Variants in MDGA2 observed in about 807,000 individuals in gnomAD.
MDGA2 encodes MAM domain containing glycosylphosphatidylinositol anchor 2, also known as MAM domain-containing glycosylphosphatidylinositol anchor protein 2.
A neutral mutation model predicts 117.8 loss-of-function variants in MDGA2; 40 were observed. The ratio of observed to expected loss-of-function variants is 0.34; its 90% CI spans 0.26 to 0.44. The LOEUF (loss-of-function observed/expected upper bound fraction) is 0.44, where lower values mean the gene tolerates loss of function less well. Ranked by LOEUF, MDGA2 falls within the 20% of genes least tolerant of loss-of-function variation. The probability of loss-of-function intolerance (pLI) is 1.00; values close to 1 mark genes in which losing one functional copy is unlikely to be tolerated. For missense variants in MDGA2, 1,123 were observed against 1,250.6 expected, an observed-to-expected ratio of 0.90 and a Z score of 1.54; for synonymous variants, 452 against 439.0, an observed-to-expected ratio of 1.03 and a Z score of -0.37.
chr14:47,287,294 G>A (rs1431457325), intron 2 of MDGA2, among the ~76,000 whole-genome samples: 2 of 152,066 alleles, frequency 1.3e-5, no homozygotes, highest in African/African-American at 2.4e-5. Context: ...CAAAGAGGAA[G>A]GGGTGGGAAC....
intron 5 of MDGA2, among the ~76,000 whole-genome samples, chr14:47,112,705 T>C (rs1881109511): frequency 6.6e-6 from 1 of 152,166 alleles, no homozygotes; most frequent in African/African-American, 2.4e-5. Flanking sequence ...TGAACATATG[T>C]GTGCATATAT....
chr14:47,146,793 TA>T (rs1284726575), intron 3 of MDGA2, among the ~76,000 whole-genome samples: 14 of 152,174 alleles, frequency 9.2e-5, no homozygotes, highest in South Asian at 2.1e-4. Flanking sequence ...AAACAGTTAA[TA>T]GGTTTGTACT....
At chr14:47,035,354 G>T (rs375428419) in intron 7 of MDGA2, 50 bp from the exon 8 acceptor site, 16 of 1,419,146 alleles carry the variant, frequency 1.1e-5, no homozygotes, top group Non-Finnish European at 1.5e-5. Flanking sequence ...AACTGGTAAA[G>T]CATATTCAGA....
rs1279979225 is a variant in MDGA2 at position 46,957,461 on chromosome 14, T to C, written c.2002A>G (p.Lys668Glu). The change falls in exon 9 of 17, where the codon AAG becomes GAG. Residue 668 changes from lysine (K) to glutamate (E), a missense_variant. By Grantham distance (56) the Lys-to-Glu change is moderately conservative. This residue lies in a region of MDGA2 where 890 missense variants were observed against 1,050.3 expected (regional missense o/e 0.85). Transcript: ENST00000399232. The part of the protein sequence containing the change: ...DSQEYTEYAV[K>E]SLSNENYGVY... ...CCATAGTTTTCATTGGAAAGACTCT[T>C]CACAGCGTACTCTGTGTATTCCTGA... 11 of 1,614,040 alleles carry C rather than the reference T, an allele frequency of 6.8e-6. No homozygotes were observed. The highest frequency in any genetic ancestry group is 8.5e-6 in the Non-Finnish European group (10 of 1,180,018).
chr14:47,662,431 T>A (rs1050821598), intron 1 of MDGA2, among the ~76,000 whole-genome samples: 1 of 152,178 alleles, frequency 6.6e-6, no homozygotes, highest in Non-Finnish European at 1.5e-5. Flanking sequence ...CTTCTTTAGC[T>A]CTCTCTGGAA....
At chr14:47,310,400 C>G (rs1889598189) in intron 1 of MDGA2, among the ~76,000 whole-genome samples, 1 of 152,084 alleles carries the variant, frequency 6.6e-6, no homozygotes, top group Admixed American at 6.6e-5. Flanking sequence ...CTGTTCCCGC[C>G]CTAAGTCCCT....
chr14:47,256,980 G>C (rs1356238608), intron 2 of MDGA2, among the ~76,000 whole-genome samples: 1 of 150,866 alleles, frequency 6.6e-6, no homozygotes, highest in East Asian at 2.0e-4. Context: ...AAAAGAGGGG[G>C]GACAAGATGA....
At chr14:47,210,939 T>C (rs142037298) in intron 3 of MDGA2, among the ~76,000 whole-genome samples, 1,608 of 152,238 alleles carry the variant, frequency 0.011, 37 homozygotes, top group African/African-American at 0.036. Flanking sequence ...GCTATGATTG[T>C]ACTGCTGCAC....
rs1046942596 is a variant in MDGA2 at position 46,899,217 on chromosome 14, T to C, written c.2239-16996A>G. Among the ~76,000 whole-genome samples, 8 of 152,146 alleles carry C rather than the reference T, an allele frequency of 5.3e-5. No individual in the cohort carries two copies. The South Asian group carries it at 1.2e-3, about 24-fold the overall frequency. ...GTAATAGGTCAGGAGTAGATAAAAT[T>C]TGTAGGCAAACTGGCAACCTGAGTG... is the stretch of plus-strand genomic sequence containing the variant. On this transcript the variant is annotated intron_variant, in intron 10 of 16. Transcript: ENST00000399232.
At chr14:46,995,009 T>G (rs1265703762) in intron 8 of MDGA2, among the ~76,000 whole-genome samples, 2 of 152,030 alleles carry the variant, frequency 1.3e-5, no homozygotes, top group Non-Finnish European at 2.9e-5. Flanking sequence ...AATAAAAAAT[T>G]TGGAATTCTG....
chr14:47,574,780 A>G (rs1023584788), intron 1 of MDGA2, among the ~76,000 whole-genome samples: 1 of 152,212 alleles, frequency 6.6e-6, no homozygotes, highest in Admixed American at 6.6e-5. Context: ...CTCTGTTTAC[A>G]GATGGCAAAA....
At chr14:47,119,912 T>A (rs1385441018) in intron 5 of MDGA2, among the ~76,000 whole-genome samples, 1 of 152,192 alleles carries the variant, frequency 6.6e-6, no homozygotes, top group Non-Finnish European at 1.5e-5. Flanking sequence ...TTGCACTTAA[T>A]ATGTGACAAT....
intron 7 of MDGA2, among the ~76,000 whole-genome samples, chr14:47,057,851 C>A (rs949978429): frequency 2.6e-5 from 4 of 151,908 alleles, no homozygotes; most frequent in Non-Finnish European, 5.9e-5. Flanking sequence ...AACTTCTGGC[C>A]TAAAGGGATC....
intron 1 of MDGA2, among the ~76,000 whole-genome samples, chr14:47,357,434 A>C (rs1190684116): frequency 1.3e-5 from 2 of 152,212 alleles, no homozygotes; most frequent in Non-Finnish European, 1.5e-5. Context: ...AGGGTTGGAC[A>C]ATCAATTGGC....
At chr14:47,512,585 G>A (rs577467471) in intron 1 of MDGA2, among the ~76,000 whole-genome samples, 3 of 152,176 alleles carry the variant, frequency 2.0e-5, no homozygotes, top group South Asian at 2.1e-4. Context: ...TAAATCTATC[G>A]TAGTCCATGC....
intron 1 of MDGA2, among the ~76,000 whole-genome samples, chr14:47,625,060 A>T (rs910689256): frequency 9.9e-5 from 15 of 152,158 alleles, no homozygotes; most frequent in Non-Finnish European, 1.8e-4. Flanking sequence ...ATATGCCCTG[A>T]CCAACTTACA....
At chr14:46,962,037 C>G (rs193154961) in intron 8 of MDGA2, among the ~76,000 whole-genome samples, 1 of 152,196 alleles carries the variant, frequency 6.6e-6, no homozygotes, top group East Asian at 1.9e-4. Flanking sequence ...TAATTTTGAT[C>G]AATTTGATTC....
chr14:47,258,219 C>A (rs576302908), intron 2 of MDGA2, among the ~76,000 whole-genome samples: 24 of 152,064 alleles, frequency 1.6e-4, no homozygotes, highest in Non-Finnish European at 2.4e-4. Context: ...AGACTGTCCT[C>A]ATATTGCTAC....
chr14:47,400,731 T>TTTTTC, intron 1 of MDGA2, among the ~76,000 whole-genome samples: 1 of 143,184 alleles, frequency 7.0e-6, no homozygotes, highest in South Asian at 2.2e-4. Flanking sequence ...AGGCTTTTTT[T>TTTTTC]TTTTTCTTTT....
Sources: allele counts gnomAD v4.1 joint callset (sites outside exome capture counted in the v4.1 genomes callset), GRCh38; gene constraint gnomAD v4.1.1; regional missense constraint gnomAD v4.1.1; transcripts MANE v1.5; gene names NCBI Gene and HGNC (gene_info 2026-07-23, HGNC 2026-07-21).